Variants in PRIM2 observed in about 807,000 individuals in gnomAD.
PRIM2 encodes the protein DNA primase large subunit.
In PRIM2, 39 loss-of-function variants were observed where a neutral mutation model predicts 67.3. That is an observed-to-expected ratio of 0.58 (90% confidence interval 0.45 to 0.76). PRIM2 has a LOEUF of 0.76. PRIM2 is among the 30% of genes least tolerant of loss of function. The pLI, the probability that PRIM2 is intolerant of heterozygous loss-of-function variation, is 0.00. For synonymous variants in PRIM2, 143 were observed against 198.7 expected (o/e 0.72, Z 2.36); for missense variants, 398 against 598.7 (o/e 0.66, Z 3.50).
intron 7 of PRIM2, among the ~76,000 whole-genome samples, chr6:57,443,157 ATACT>A (rs1355688163): frequency 1.2e-4 from 19 of 152,016 alleles, no homozygotes; most frequent in Admixed American, 6.5e-5. Flanking sequence ...CTGTTGATAG[ATACT>A]TAGGTTGATT....
intron 12 of PRIM2, among the ~76,000 whole-genome samples, chr6:57,610,851 C>A (rs1195454267): frequency 6.6e-6 from 1 of 152,112 alleles, no homozygotes; most frequent in African/African-American, 2.4e-5. Flanking sequence ...ATACTGTCAA[C>A]CAACTTTACC....
At chr6:57,542,028 T>G (rs1185651279) in intron 10 of PRIM2, among the ~76,000 whole-genome samples, 2 of 144,386 alleles carry the variant, frequency 1.4e-5, no homozygotes, top group Non-Finnish European at 3.0e-5. Context: ...CAGGCTGGAG[T>G]GCAGTGGCGC....
intron 10 of PRIM2, among the ~76,000 whole-genome samples, chr6:57,563,718 T>G (rs1241760204): frequency 1.2e-4 from 19 of 152,250 alleles, no homozygotes; most frequent in African/African-American, 4.1e-4. Flanking sequence ...CTTCGCTCAC[T>G]GCAACCTCCG....
the PRIM2 span, chr6:57,221,861 G>A: frequency 6.6e-6 from 1 of 152,530 alleles, no homozygotes. Flanking sequence ...CGGGCCGGGA[G>A]GCCCCTGCCC....
At chr6:57,340,092 A>C (rs901543049) in intron 5 of PRIM2, among the ~76,000 whole-genome samples, 3 of 152,180 alleles carry the variant, frequency 2.0e-5, no homozygotes, top group African/African-American at 7.2e-5. Flanking sequence ...GCAGCCAAAA[A>C]ACACATGAAA....
At chr6:57,266,460 G>T in the PRIM2 span, among the ~76,000 whole-genome samples, 3 of 152,106 alleles carry the variant, frequency 2.0e-5, no homozygotes, top group Non-Finnish European at 4.4e-5. Flanking sequence ...TAATCAGCTC[G>T]ACAATTTTTT....
the PRIM2 span, among the ~76,000 whole-genome samples, chr6:57,272,308 TC>T: frequency 2.0e-5 from 3 of 152,210 alleles, no homozygotes; most frequent in African/African-American, 7.2e-5. Context: ...ATCTGGGTGC[TC>T]CTGTATTGGG....
chr6:57,549,292 A>G (rs1464107092), intron 10 of PRIM2, among the ~76,000 whole-genome samples: 2 of 152,218 alleles, frequency 1.3e-5, no homozygotes, highest in Non-Finnish European at 2.9e-5. Flanking sequence ...TGAGGTAAAT[A>G]TTATCTTCGT....
At chr6:57,290,114 A>G in the PRIM2 span, among the ~76,000 whole-genome samples, 2 of 145,836 alleles carry the variant, frequency 1.4e-5, no homozygotes, top group Non-Finnish European at 1.5e-5. Flanking sequence ...AAGATCTACC[A>G]AGCAAATAGA....
chr6:57,264,441 C>T, the PRIM2 span, among the ~76,000 whole-genome samples: 266 of 152,076 alleles, frequency 1.7e-3, 1 homozygote, highest in Non-Finnish European at 3.1e-3. Flanking sequence ...TCCTGGAGTG[C>T]TCGTCATCAC....
intron 7 of PRIM2, among the ~76,000 whole-genome samples, chr6:57,404,552 T>C (rs2127358557): frequency 6.6e-6 from 1 of 151,678 alleles, no homozygotes; most frequent in South Asian, 2.1e-4. Flanking sequence ...TGATAATATG[T>C]GTGAAGTGCT....
At chr6:57,377,581 G>C (rs564443104) in intron 5 of PRIM2, among the ~76,000 whole-genome samples, 1 of 151,390 alleles carries the variant, frequency 6.6e-6, no homozygotes, top group Non-Finnish European at 1.5e-5. Flanking sequence ...TAGATAAGTT[G>C]AAAATGGGTT....
intron 7 of PRIM2, among the ~76,000 whole-genome samples, chr6:57,470,468 T>A (rs1773312146): frequency 2.0e-5 from 1 of 48,790 alleles, no homozygotes; most frequent in Non-Finnish European, 4.0e-5. Flanking sequence ...CCCGTCTCCC[T>A]CTCTTTTTTT....
the PRIM2 span, among the ~76,000 whole-genome samples, chr6:57,307,105 A>ACACTC: frequency 6.6e-6 from 1 of 151,902 alleles, no homozygotes; most frequent in Non-Finnish European, 1.5e-5. Flanking sequence ...AAGCTGAGGC[A>ACACTC]GGAGAATCAC....
chr6:57,395,665 A>G (rs9475913), intron 7 of PRIM2, among the ~76,000 whole-genome samples: 14 of 152,016 alleles, frequency 9.2e-5, no homozygotes, highest in African/African-American at 2.4e-4. Flanking sequence ...GTTTCATTTA[A>G]TTCTGCTCTG....
At chr6:57,330,291 TAA>T (rs1005791937) in intron 5 of PRIM2, among the ~76,000 whole-genome samples, 2 of 150,904 alleles carry the variant, frequency 1.3e-5, no homozygotes, top group Admixed American at 1.3e-4. Context: ...TGCTAGTATA[TAA>T]AAATCCAGGT....
rs533124023 is a variant in PRIM2 at position 57,341,810 on chromosome 6, A to G, written c.459+15765A>G. 1.3e-3 allele frequency among the ~76,000 whole-genome samples: 195 copies of G among 152,278 alleles called. 4 individuals carry two copies. In the East Asian group the frequency reaches 0.017, roughly 13 times the overall value. ...TGCCTAAGTCAGGTGCTGCTGCATA[A>G]GTTGAGGTGGAAGGAAACAGCAGGG... On this transcript the variant is annotated intron_variant, in intron 5 of 13. Coordinates refer to ENST00000615550, the MANE Select transcript of PRIM2 (RefSeq NM_000947.5).
At chr6:57,518,093 T>C (rs1386675196) in intron 8 of PRIM2, among the ~76,000 whole-genome samples, 1 of 152,174 alleles carries the variant, frequency 6.6e-6, no homozygotes, top group Non-Finnish European at 1.5e-5. Flanking sequence ...ACCAAAAGTT[T>C]AATGCACTCT....
intron 13 of PRIM2, among the ~76,000 whole-genome samples, chr6:57,641,021 G>T (rs2127501710): frequency 6.6e-6 from 1 of 151,874 alleles, no homozygotes; most frequent in East Asian, 1.9e-4. Flanking sequence ...CAACAGCATG[G>T]TACTGGTACC....
Sources: allele counts gnomAD v4.1 joint callset (sites outside exome capture counted in the v4.1 genomes callset), GRCh38; gene constraint gnomAD v4.1.1; transcripts MANE v1.5; gene names NCBI Gene and HGNC (gene_info 2026-07-23, HGNC 2026-07-21).